The following MAML3 variants were observed in gnomAD, a reference collection of about 807,000 sequenced individuals.
MAML3 encodes mastermind-like protein 3.
In MAML3, 27 loss-of-function variants were observed where a neutral mutation model predicts 101.9. The observed-to-expected ratio is 0.27, with a 90% CI of 0.20 to 0.37. The LOEUF (loss-of-function observed/expected upper bound fraction) is 0.37. Among genes scored for constraint, MAML3 ranks in the 10% least tolerant of loss-of-function variants. MAML3 has a pLI of 1.00. For missense variants in MAML3, 1,316 were observed against 1,444.9 expected (o/e 0.91, Z 1.45); for synonymous variants, 501 against 555.9 (o/e 0.90, Z 1.39).
chr4:140,059,628 T>C (rs960802259), intron 1 of MAML3, among the ~76,000 whole-genome samples: 1 of 152,182 alleles, frequency 6.6e-6, no homozygotes, highest in Admixed American at 6.5e-5. Flanking sequence ...AATTACCACA[T>C]CTAGGCCAGA....
At chr4:140,113,483 C>T (rs1252234169) in intron 1 of MAML3, among the ~76,000 whole-genome samples, 1 of 152,114 alleles carries the variant, frequency 6.6e-6, no homozygotes, top group Non-Finnish European at 1.5e-5. Flanking sequence ...AGGTCCTGCA[C>T]TGTAGTAGAC....
intron 1 of MAML3, among the ~76,000 whole-genome samples, chr4:139,899,788 G>A (rs1056364175): frequency 6.6e-6 from 1 of 152,194 alleles, no homozygotes; most frequent in Non-Finnish European, 1.5e-5. Context: ...TTAAAATTAT[G>A]TATATAATCT....
chr4:140,116,321 T>C (rs1728517963), intron 1 of MAML3, among the ~76,000 whole-genome samples: 1 of 152,218 alleles, frequency 6.6e-6, no homozygotes, highest in African/African-American at 2.4e-5. Context: ...AAAACAACTC[T>C]ATAATATCCA....
chr4:139,723,255 T>A (rs1279292512), intron 4 of MAML3, among the ~76,000 whole-genome samples: 1 of 152,140 alleles, frequency 6.6e-6, no homozygotes, highest in Non-Finnish European at 1.5e-5. Context: ...AAGAATAGGA[T>A]TGATCATCTC....
chr4:140,153,626 CG>C lies in MAML3; in HGVS notation c.-300del. 2.7e-6 allele frequency: 1 copy of C among 364,500 alleles called. No homozygotes were observed. Among genetic ancestry groups the C allele is most frequent in the East Asian group, 4.7e-5 (1 of 21,486 alleles). 22.6% of individuals were successfully genotyped at this position (364,500 alleles called of 1,614,324 possible). On this transcript the variant is annotated 5_prime_UTR_variant, in exon 1 of 5. Transcript: ENST00000509479. ...ACAACAAACTGAGCCAGCAGCAAAT[CG>C]GGTTGCAACTCAAGGGGAGATCCGC...
chr4:139,910,135 TAGTAACCA>T lies in MAML3; in HGVS notation c.469-19176_469-19169del, dbSNP rs534701881. 3.1e-3 allele frequency among the ~76,000 whole-genome samples: 474 copies of T among 152,354 alleles called. 5 individuals carry two copies. Among genetic ancestry groups the T allele is most frequent in the African/African-American group, 0.01 (424 of 41,584 alleles). ...AATGAGAACTAAGAGACCACTAGGTTAGTAACCAAGTAATTCACTGAGAATCTGAGCGA... is the reference window on the plus strand; with the variant it reads ...AATGAGAACTAAGAGACCACTAGGTTAGTAATTCACTGAGAATCTGAGCGA... On this transcript the variant is annotated intron_variant, in intron 1 of 4. Transcript: ENST00000509479.
intron 1 of MAML3, among the ~76,000 whole-genome samples, chr4:140,038,955 T>C (rs1727032950): frequency 6.6e-6 from 1 of 151,792 alleles, no homozygotes; most frequent in African/African-American, 2.4e-5. Context: ...CACGGGCTAC[T>C]AAAAATACAA....
intron 2 of MAML3, among the ~76,000 whole-genome samples, chr4:139,787,344 T>C (rs1730324525): frequency 6.6e-6 from 1 of 152,256 alleles, no homozygotes; most frequent in South Asian, 2.1e-4. Flanking sequence ...TTCTTTTTTG[T>C]TGAATTCACT....
At chr4:139,767,754 G>A (rs1188734498) in intron 2 of MAML3, among the ~76,000 whole-genome samples, 1 of 152,236 alleles carries the variant, frequency 6.6e-6, no homozygotes, top group African/African-American at 2.4e-5. Context: ...TAGCATGAAA[G>A]TGCATGCAAA....
chr4:140,059,567 T>C (rs1727409140), intron 1 of MAML3, among the ~76,000 whole-genome samples: 1 of 152,290 alleles, frequency 6.6e-6, no homozygotes, highest in East Asian at 1.9e-4. Context: ...CTTATTATTT[T>C]AAAAACTCAT....
chr4:139,882,488 A>C (rs1265527328), intron 2 of MAML3, among the ~76,000 whole-genome samples: 1 of 152,188 alleles, frequency 6.6e-6, no homozygotes, highest in African/African-American at 2.4e-5. Flanking sequence ...CCTGGACTTA[A>C]TAGTAGGGAA....
In MAML3 at chr4:140,093,416, G is replaced by GTTTTT. The variant is rs561107578; in HGVS notation, c.468+59439_468+59443dup. 9.9e-4 allele frequency among the ~76,000 whole-genome samples: 120 copies of GTTTTT among 121,462 alleles called. 2 individuals carry two copies. Among genetic ancestry groups the GTTTTT allele is most frequent in the Non-Finnish European group, 1.6e-3 (91 of 58,392 alleles). The allele number at this position is 121,462 out of a possible 152,430, so 79.7% of individuals were successfully genotyped here. Reference sequence around the variant, plus strand: ...CAAAAGCTAAGACTCATGTTTGTTTGTTTTTTTTTTTTTTTTTTGAGACAG... The same window carrying GTTTTT: ...CAAAAGCTAAGACTCATGTTTGTTTGTTTTTTTTTTTTTTTTTTTTTTTGAGACAG... On this transcript the variant is annotated intron_variant, in intron 1 of 4. Transcript: ENST00000509479.
chr4:140,066,498 C>T (rs765995399), intron 1 of MAML3, among the ~76,000 whole-genome samples: 3 of 152,198 alleles, frequency 2.0e-5, no homozygotes, highest in East Asian at 1.9e-4. Flanking sequence ...TAATGAAGTA[C>T]AGACTTCTCA....
chr4:140,122,282 C>T (rs1342081118), intron 1 of MAML3, among the ~76,000 whole-genome samples: 1 of 144,854 alleles, frequency 6.9e-6, no homozygotes, highest in African/African-American at 2.5e-5. Context: ...AGTGCAATAG[C>T]GCAATCTCGG....
At chr4:139,742,137 T>A (rs1198315780) in intron 2 of MAML3, among the ~76,000 whole-genome samples, 2 of 134,938 alleles carry the variant, frequency 1.5e-5, no homozygotes, top group Non-Finnish European at 1.6e-5. Context: ...TCTTAAACTT[T>A]TCTTTTCTTT....
chr4:139,898,144 T>G (rs994915174), intron 1 of MAML3, among the ~76,000 whole-genome samples: 4 of 152,186 alleles, frequency 2.6e-5, no homozygotes, highest in Admixed American at 2.6e-4. Flanking sequence ...TTTTCCTTCA[T>G]GGATGAATGA....
At chr4:139,736,972 A>C (rs749127706) in intron 2 of MAML3, among the ~76,000 whole-genome samples, 1 of 152,208 alleles carries the variant, frequency 6.6e-6, no homozygotes, top group Non-Finnish European at 1.5e-5. Flanking sequence ...TGATGTTTGC[A>C]ATGCAAACCC....
Position 139,871,070 on chromosome 4 carries a change from T to C in MAML3, c.2079+18287A>G, listed in dbSNP as rs546643403. Among the ~76,000 whole-genome samples, 36 of 152,342 alleles carry C rather than the reference T, an allele frequency of 2.4e-4. No homozygotes were observed. In the South Asian group the frequency reaches 7.5e-3, roughly 32 times the overall value. On this transcript the variant is annotated intron_variant, in intron 2 of 4. Coordinates refer to ENST00000509479, the MANE Select transcript of MAML3 (RefSeq NM_018717.5). Reference sequence around the variant, plus strand: ...CACACAATACACACATTTTATTTCTTGTGTGCTTATCATTTTTTCATGGTA... The same window carrying C: ...CACACAATACACACATTTTATTTCTCGTGTGCTTATCATTTTTTCATGGTA...
intron 1 of MAML3, among the ~76,000 whole-genome samples, chr4:140,101,688 T>C (rs1309724530): frequency 6.6e-6 from 1 of 152,136 alleles, no homozygotes; most frequent in Non-Finnish European, 1.5e-5. Context: ...CAGTGTAAAT[T>C]AGAAATGAAA....
Sources: allele counts gnomAD v4.1 joint callset (sites outside exome capture counted in the v4.1 genomes callset), GRCh38; gene constraint gnomAD v4.1.1; transcripts MANE v1.5; gene names NCBI Gene and HGNC (gene_info 2026-07-23, HGNC 2026-07-21).